Variants in TAFA2 observed in about 807,000 individuals in gnomAD.
TAFA2 encodes the protein TAFA chemokine like family member 2.
Under a neutral mutation model 18.8 loss-of-function variants are expected in TAFA2, and 7 were observed. The observed-to-expected ratio is 0.37, with a 90% confidence interval of 0.21 to 0.70. TAFA2 has a LOEUF of 0.70. Ranked by LOEUF, TAFA2 falls within the 30% of genes least tolerant of loss-of-function variation. The pLI is 0.53. For missense variants in TAFA2, 122 were observed against 158.1 expected (o/e 0.77, Z 1.23); for synonymous variants, 60 against 54.2 (o/e 1.11, Z -0.47).
At chr12:61,910,421 A>T (rs373141350) in intron 1 of TAFA2, among the ~76,000 whole-genome samples, 1 of 152,210 alleles carries the variant, frequency 6.6e-6, no homozygotes, top group African/African-American at 2.4e-5. Context: ...CTAGCTGAGC[A>T]TAACCAATAA....
intron 1 of TAFA2, among the ~76,000 whole-genome samples, chr12:62,094,330 G>C (rs952019917): frequency 1.3e-5 from 2 of 151,986 alleles, no homozygotes; most frequent in Non-Finnish European, 2.9e-5. Flanking sequence ...GGAGACTCAG[G>C]TGGGGAGGTT....
At chr12:61,872,255 C>T (rs1874643783) in intron 1 of TAFA2, among the ~76,000 whole-genome samples, 1 of 152,156 alleles carries the variant, frequency 6.6e-6, no homozygotes, top group Middle Eastern at 3.4e-3. Context: ...ACCACCTGAC[C>T]TCCCCTTGAG....
intron 2 of TAFA2, among the ~76,000 whole-genome samples, chr12:61,775,004 C>A (rs1241983357): frequency 6.6e-6 from 1 of 151,612 alleles, no homozygotes; most frequent in Non-Finnish European, 1.5e-5. Context: ...TAAAAAGGAG[C>A]CAAACCATTT....
intron 1 of TAFA2, among the ~76,000 whole-genome samples, chr12:62,151,234 CA>C (rs1295310203): frequency 6.6e-6 from 1 of 152,212 alleles, no homozygotes; most frequent in East Asian, 1.9e-4. Context: ...CCTGGCTAAT[CA>C]GTACCTATCT....
Position 61,752,481 on chromosome 12 carries a change from G to A in TAFA2, c.384+1141C>T, listed in dbSNP as rs188932861. Among the ~76,000 whole-genome samples, 33 of 151,940 alleles carry A rather than the reference G, an allele frequency of 2.2e-4. No homozygotes were observed. In the East Asian group the frequency reaches 4.9e-3, roughly 22 times the overall value. On this transcript the variant is annotated intron_variant, in intron 4 of 4. Coordinates refer to ENST00000416284, the MANE Select transcript of TAFA2 (RefSeq NM_178539.5). ...CAGAATGTTTTTAACAAATTAATAC[G>A]GATTATATCATGTGCTAGCTCACTG...
At chr12:61,728,125 A>C (rs1026499604) in intron 4 of TAFA2, among the ~76,000 whole-genome samples, 3 of 148,844 alleles carry the variant, frequency 2.0e-5, no homozygotes, top group Non-Finnish European at 4.5e-5. Context: ...ATTTATTGAG[A>C]CTTGTTTTGT....
At chr12:61,966,128 G>A (rs1483727091) in intron 1 of TAFA2, among the ~76,000 whole-genome samples, 1 of 151,818 alleles carries the variant, frequency 6.6e-6, no homozygotes, top group Non-Finnish European at 1.5e-5. Flanking sequence ...CATCTACAGA[G>A]TACAAGTGTT....
intron 2 of TAFA2, among the ~76,000 whole-genome samples, chr12:61,783,711 A>G (rs1243373909): frequency 1.5e-4 from 22 of 151,582 alleles, no homozygotes; most frequent in Admixed American, 7.3e-4. Context: ...AGTATTTAAA[A>G]TTATTTTAAA....
At chr12:62,029,457 G>A (rs1234206936) in intron 1 of TAFA2, among the ~76,000 whole-genome samples, 1 of 152,094 alleles carries the variant, frequency 6.6e-6, no homozygotes, top group Non-Finnish European at 1.5e-5. Flanking sequence ...TAATTAGCAG[G>A]TTGTCTGCTT....
intron 1 of TAFA2, among the ~76,000 whole-genome samples, chr12:61,995,490 AT>A (rs1463399912): frequency 6.6e-6 from 1 of 151,960 alleles, no homozygotes; most frequent in Non-Finnish European, 1.5e-5. Flanking sequence ...TTGGGTTTTT[AT>A]TTTTTATTTG....
At chr12:62,031,257 T>C (rs1486845467) in intron 1 of TAFA2, among the ~76,000 whole-genome samples, 1 of 151,928 alleles carries the variant, frequency 6.6e-6, no homozygotes, top group Non-Finnish European at 1.5e-5. Flanking sequence ...TCTAAGAAAC[T>C]ACTAGTGCAG....
intron 4 of TAFA2, among the ~76,000 whole-genome samples, chr12:61,722,653 T>C (rs999149348): frequency 3.9e-5 from 6 of 152,204 alleles, no homozygotes; most frequent in African/African-American, 1.2e-4. Context: ...TTCAAAAACA[T>C]AGAAATGTTT....
chr12:62,258,285 T>C (rs1223260940), intron 1 of TAFA2: 2 of 152,212 alleles, frequency 1.3e-5, no homozygotes, highest in African/African-American at 4.8e-5. Flanking sequence ...ATAAATCTGA[T>C]GTATAATTCA....
chr12:62,205,108 G>T (rs1403761319), intron 1 of TAFA2, among the ~76,000 whole-genome samples: 1 of 152,142 alleles, frequency 6.6e-6, no homozygotes, highest in African/African-American at 2.4e-5. Flanking sequence ...GTTTGCTGGG[G>T]GTCTACTCAA....
rs139664353 is a variant in TAFA2 at position 62,176,775 on chromosome 12, A to C, written c.-2+14484T>G. Among the ~76,000 whole-genome samples, 37 of 152,328 alleles carry C rather than the reference A, an allele frequency of 2.4e-4. No individual in the cohort carries two copies. In the East Asian group the frequency reaches 6.9e-3, roughly 29 times the overall value. The stretch of plus-strand genomic sequence containing the variant: ...TTCTAAAATTGAAAAAGGGGGTCCT[A>C]CTTAGCATTTCCAGATACAAATAAT... On this transcript the variant is annotated intron_variant, in intron 1 of 4. Coordinates refer to ENST00000416284, the MANE Select transcript of TAFA2 (RefSeq NM_178539.5).
At chr12:61,985,576 C>T (rs534265956) in intron 1 of TAFA2, among the ~76,000 whole-genome samples, 16 of 152,068 alleles carry the variant, frequency 1.1e-4, no homozygotes, top group African/African-American at 3.4e-4. Flanking sequence ...CTCCCCTGTT[C>T]GATATTAACA....
chr12:62,045,619 G>A (rs566063449), intron 1 of TAFA2, among the ~76,000 whole-genome samples: 1 of 152,264 alleles, frequency 6.6e-6, no homozygotes, highest in East Asian at 1.9e-4. Context: ...ACAAACTTTT[G>A]CTATGTCTTC....
intron 1 of TAFA2, among the ~76,000 whole-genome samples, chr12:62,205,973 TC>T (rs2062689878): frequency 6.6e-6 from 1 of 152,100 alleles, no homozygotes; most frequent in Admixed American, 6.5e-5. Context: ...GAGTGAAAGC[TC>T]CCTTTTCCCC....
At chr12:62,203,721 T>C (rs994020964) in intron 1 of TAFA2, among the ~76,000 whole-genome samples, 1 of 152,258 alleles carries the variant, frequency 6.6e-6, no homozygotes, top group Non-Finnish European at 1.5e-5. Flanking sequence ...TTTGAGCCTA[T>C]GTGTGTCTTC....
Sources: allele counts gnomAD v4.1 joint callset (sites outside exome capture counted in the v4.1 genomes callset), GRCh38; gene constraint gnomAD v4.1.1; transcripts MANE v1.5; gene names NCBI Gene and HGNC (gene_info 2026-07-23, HGNC 2026-07-21).